MAGI2: variants seen among roughly 807,000 people sequenced by gnomAD.
MAGI2 encodes membrane-associated guanylate kinase, WW and PDZ domain-containing protein 2.
MAGI2 carries 35 observed loss-of-function variants against 133.3 expected under a neutral mutation model. That is an observed-to-expected ratio of 0.26 (90% CI 0.20 to 0.35). The LOEUF is 0.35. Ranked by LOEUF, MAGI2 falls within the 10% of genes least tolerant of loss-of-function variation. MAGI2 has a pLI of 1.00. For missense variants in MAGI2, 1,636 were observed against 1,863.4 expected (o/e 0.88, Z 2.25); for synonymous variants, 729 against 710.6 (o/e 1.03, Z -0.41).
intron 20 of MAGI2, among the ~76,000 whole-genome samples, chr7:78,081,139 G>C (rs1241920298): frequency 1.3e-5 from 2 of 152,024 alleles, no homozygotes; most frequent in Admixed American, 1.3e-4. Flanking sequence ...TCTCCTATGG[G>C]TGCCTTCCTC....
At chr7:78,658,242 C>T (rs1452436111) in intron 2 of MAGI2, among the ~76,000 whole-genome samples, 1 of 151,928 alleles carries the variant, frequency 6.6e-6, no homozygotes, top group Admixed American at 6.6e-5. Flanking sequence ...GCTTTTTCAA[C>T]AAATGGTGCT....
At chr7:78,398,014 T>C (rs1273886948) in intron 6 of MAGI2, among the ~76,000 whole-genome samples, 1 of 151,898 alleles carries the variant, frequency 6.6e-6, no homozygotes, top group Non-Finnish European at 1.5e-5. Flanking sequence ...TAATTACAGA[T>C]CAAAGAGGAA....
chr7:78,988,255 G>C (rs1267015672), intron 2 of MAGI2, among the ~76,000 whole-genome samples: 1 of 152,038 alleles, frequency 6.6e-6, no homozygotes, highest in Non-Finnish European at 1.5e-5. Flanking sequence ...CCACAAATTA[G>C]AGAGGAACAC....
At chr7:78,188,758 T>C (rs915984670) in intron 12 of MAGI2, among the ~76,000 whole-genome samples, 4 of 152,312 alleles carry the variant, frequency 2.6e-5, no homozygotes, top group African/African-American at 7.2e-5. Context: ...GATCACCTAA[T>C]AGCTGCCTGT....
At chr7:79,446,472 AT>A (rs142713151) in intron 1 of MAGI2, among the ~76,000 whole-genome samples, 3,905 of 150,284 alleles carry the variant, frequency 0.026, 123 homozygotes, top group East Asian at 0.12. Flanking sequence ...TTTGACAGTG[AT>A]TTTTTTTTTA....
chr7:78,398,071 T>C (rs944445196), intron 6 of MAGI2, among the ~76,000 whole-genome samples: 12 of 152,030 alleles, frequency 7.9e-5, no homozygotes, highest in African/African-American at 2.7e-4. Context: ...TGTGTGTGAG[T>C]GTGTGTGCTG....
intron 1 of MAGI2, among the ~76,000 whole-genome samples, chr7:79,315,842 C>T (rs1838681488): frequency 6.6e-6 from 1 of 151,992 alleles, no homozygotes; most frequent in Admixed American, 6.6e-5. Flanking sequence ...TGACAGGGAA[C>T]TGTGATTTTT....
intron 3 of MAGI2, among the ~76,000 whole-genome samples, chr7:78,529,009 G>T (rs1304009503): frequency 2.0e-5 from 3 of 151,588 alleles, no homozygotes; most frequent in African/African-American, 7.3e-5. Flanking sequence ...ACATGGAATT[G>T]AATTATTCTT....
intron 9 of MAGI2, among the ~76,000 whole-genome samples, chr7:78,336,726 A>G (rs1037435854): frequency 6.6e-6 from 1 of 152,024 alleles, no homozygotes; most frequent in Non-Finnish European, 1.5e-5. Context: ...CTCTGTCAAG[A>G]AAAAGATGAT....
chr7:78,554,984 A>G (rs1301309845), intron 3 of MAGI2, among the ~76,000 whole-genome samples: 1 of 151,872 alleles, frequency 6.6e-6, no homozygotes, highest in Non-Finnish European at 1.5e-5. Context: ...CATGTCTACA[A>G]ATTAAAACAA....
chr7:78,082,390 T>G (rs1205232775), intron 20 of MAGI2, among the ~76,000 whole-genome samples: 1 of 152,112 alleles, frequency 6.6e-6, no homozygotes, highest in East Asian at 1.9e-4. Context: ...GTCCCCTCTG[T>G]GGGGGCCTCA....
intron 1 of MAGI2, among the ~76,000 whole-genome samples, chr7:79,427,153 A>G (rs921708659): frequency 6.6e-6 from 1 of 152,164 alleles, no homozygotes; most frequent in African/African-American, 2.4e-5. Context: ...TTCATTCAAT[A>G]AATATTTACC....
At chr7:78,651,257 T>C (rs1811527491) in intron 2 of MAGI2, among the ~76,000 whole-genome samples, 1 of 152,138 alleles carries the variant, frequency 6.6e-6, no homozygotes, top group Non-Finnish European at 1.5e-5. Flanking sequence ...TGATAATTCA[T>C]GTAACACACA....
At chr7:79,244,097 A>G (rs533145643) in intron 1 of MAGI2, among the ~76,000 whole-genome samples, 122 of 152,192 alleles carry the variant, frequency 8.0e-4, no homozygotes, top group Non-Finnish European at 1.6e-3. Flanking sequence ...ACACTAACCA[A>G]TCATGCCATT....
At chr7:78,226,405 A>G (rs1336339805) in intron 10 of MAGI2, among the ~76,000 whole-genome samples, 1 of 152,276 alleles carries the variant, frequency 6.6e-6, no homozygotes, top group Admixed American at 6.5e-5. Context: ...ATTATAGACA[A>G]AATACAGGCA....
At chr7:78,856,381 T>C (rs1258562509) in intron 2 of MAGI2, among the ~76,000 whole-genome samples, 1 of 152,226 alleles carries the variant, frequency 6.6e-6, no homozygotes, top group African/African-American at 2.4e-5. Context: ...TTTTATGGTT[T>C]TAGGTCTAAT....
intron 1 of MAGI2, among the ~76,000 whole-genome samples, chr7:79,428,242 C>T (rs1205882217): frequency 6.6e-6 from 1 of 152,042 alleles, no homozygotes; most frequent in African/African-American, 2.4e-5. Context: ...TGGGTCTGAA[C>T]ATATAAGACT....
At chr7:78,294,207 T>G (rs371605392) in intron 9 of MAGI2, among the ~76,000 whole-genome samples, 93 of 152,226 alleles carry the variant, frequency 6.1e-4, no homozygotes, top group African/African-American at 2.1e-3. Flanking sequence ...GAACTTCCAG[T>G]GAGGGAGATA....
At chr7:79,440,969 T>C (rs1249371705) in intron 1 of MAGI2, among the ~76,000 whole-genome samples, 1 of 152,202 alleles carries the variant, frequency 6.6e-6, no homozygotes, top group Non-Finnish European at 1.5e-5. Flanking sequence ...GGCAGAAAAG[T>C]AAATAGTCTT....
Sources: allele counts gnomAD v4.1 joint callset (sites outside exome capture counted in the v4.1 genomes callset), GRCh38; gene constraint gnomAD v4.1.1; transcripts MANE v1.5; gene names NCBI Gene and HGNC (gene_info 2026-07-23, HGNC 2026-07-21).